Variants in ZDHHC14 observed in about 807,000 individuals in gnomAD.
ZDHHC14 encodes zDHHC palmitoyltransferase 14.
ZDHHC14 carries 16 observed loss-of-function variants against 47.7 expected under a neutral mutation model. The observed-to-expected ratio is 0.34, with a 90% CI of 0.23 to 0.51. The LOEUF is 0.51. Ranked by LOEUF, ZDHHC14 falls within the 20% of genes least tolerant of loss-of-function variation. The pLI is 0.97. For synonymous variants in ZDHHC14, 293 were observed against 278.9 expected, an observed-to-expected ratio of 1.05 and a Z score of -0.50; for missense variants, 515 against 662.5, an observed-to-expected ratio of 0.78 and a Z score of 2.44.
At chr6:157,610,490 C>T (rs1484873066) in intron 3 of ZDHHC14, among the ~76,000 whole-genome samples, 1 of 152,122 alleles carries the variant, frequency 6.6e-6, no homozygotes, top group Non-Finnish European at 1.5e-5. Context: ...ACCCTTCTGC[C>T]ATGAAGTTCT....
intron 3 of ZDHHC14, among the ~76,000 whole-genome samples, chr6:157,614,202 A>G (rs1245289864): frequency 6.6e-6 from 1 of 152,188 alleles, no homozygotes; most frequent in African/African-American, 2.4e-5. Context: ...ATAGAGTCCT[A>G]CATCCCATCA....
In ZDHHC14 at chr6:157,390,367, T is replaced by C. The variant is rs140494669; in HGVS notation, c.245+8101T>C. ...AGTAGTTGGAATATGATAACATGCC[T>C]ATGTATGGTTTTCTTTACATTTATC... On this transcript the variant is annotated intron_variant, in intron 1 of 8. Coordinates refer to ENST00000359775, the MANE Select transcript of ZDHHC14 (RefSeq NM_024630.3). Among the ~76,000 whole-genome samples the C allele has an allele frequency of 4.8e-4, 73 of 152,318 alleles. 1 individual carries two copies. The East Asian group carries it at 0.014, about 29-fold the overall frequency.
intron 2 of ZDHHC14, among the ~76,000 whole-genome samples, chr6:157,571,100 G>T (rs970678215): frequency 2.0e-5 from 3 of 152,164 alleles, no homozygotes; most frequent in Non-Finnish European, 2.9e-5. Flanking sequence ...CAATTTGTAG[G>T]AATATTTGTG....
At position 157,423,519 on chromosome 6, in the gene ZDHHC14, T is replaced by C. The variant is rs567576602; in HGVS notation, c.245+41253T>C. On this transcript the variant is annotated intron_variant, in intron 1 of 8. Coordinates refer to ENST00000359775, the MANE Select transcript of ZDHHC14 (RefSeq NM_024630.3). ...TAAATAAAGTTCCCCTTTTATTTAA[T>C]CCAAATTGGTGAGGGTTTACTAAGC... Among the ~76,000 whole-genome samples the C allele has an allele frequency of 3.3e-5, 5 of 152,308 alleles. 1 individual carries two copies. The highest frequency in any genetic ancestry group is 1.2e-4 in the African/African-American group (5 of 41,562).
intron 2 of ZDHHC14, among the ~76,000 whole-genome samples, chr6:157,552,446 A>C (rs1321213072): frequency 6.6e-5 from 10 of 151,362 alleles, no homozygotes; most frequent in South Asian, 2.1e-4. Flanking sequence ...CAGGAGAAAA[A>C]CCCCCCTGGA....
rs926808173 is a variant in ZDHHC14 at position 157,614,150 on chromosome 6, G to A, written c.566-14199G>A. On this transcript the variant is annotated intron_variant, in intron 3 of 8. Transcript: ENST00000359775. Reference sequence around the variant, plus strand: ...CTCTTGGTAGGGGGGATGGGGGGGCGGGGAGTGCAAAAGGCCAGGACCCAA... The same window carrying A: ...CTCTTGGTAGGGGGGATGGGGGGGCAGGGAGTGCAAAAGGCCAGGACCCAA... 3.9e-5 allele frequency among the ~76,000 whole-genome samples: 6 copies of A among 152,228 alleles called. No individual in the cohort carries two copies. The South Asian group carries it at 8.3e-4, about 21-fold the overall frequency.
intron 1 of ZDHHC14, among the ~76,000 whole-genome samples, chr6:157,451,183 T>G (rs1778795880): frequency 6.6e-6 from 1 of 152,202 alleles, no homozygotes; most frequent in South Asian, 2.1e-4. Context: ...CTTCAGAGCT[T>G]ACAGATGCTA....
intron 2 of ZDHHC14, among the ~76,000 whole-genome samples, chr6:157,565,082 T>TA (rs1782851524): frequency 6.6e-6 from 1 of 151,944 alleles, no homozygotes; most frequent in South Asian, 2.1e-4. Context: ...CCACCTCTAC[T>TA]AAAAATACAA....
intron 5 of ZDHHC14, among the ~76,000 whole-genome samples, chr6:157,636,954 T>C (rs1777017595): frequency 6.6e-6 from 1 of 152,202 alleles, no homozygotes; most frequent in African/African-American, 2.4e-5. Flanking sequence ...GTGCTTTCTG[T>C]TTGAAATATG....
intron 1 of ZDHHC14, among the ~76,000 whole-genome samples, chr6:157,528,441 A>G (rs1413477912): frequency 6.6e-6 from 1 of 151,770 alleles, no homozygotes; most frequent in Non-Finnish European, 1.5e-5. Flanking sequence ...TAATTTAAAA[A>G]GCACGATAGG....
chr6:157,481,720 G>T (rs946399501), intron 1 of ZDHHC14, among the ~76,000 whole-genome samples: 1 of 152,142 alleles, frequency 6.6e-6, no homozygotes, highest in African/African-American at 2.4e-5. Context: ...CCCCAGTTGG[G>T]AATGAGTGAA....
At chr6:157,500,979 G>A (rs575834678) in intron 1 of ZDHHC14, among the ~76,000 whole-genome samples, 86 of 152,272 alleles carry the variant, frequency 5.6e-4, no homozygotes, top group Non-Finnish European at 9.7e-4. Flanking sequence ...TCGTGGGCAC[G>A]TTATGAAGTT....
At chr6:157,657,480 C>T (rs1778154774) in intron 8 of ZDHHC14, among the ~76,000 whole-genome samples, 1 of 152,136 alleles carries the variant, frequency 6.6e-6, no homozygotes, top group Admixed American at 6.6e-5. Flanking sequence ...AAAAACACTC[C>T]AGCGTCACAG....
chr6:157,462,488 T>C (rs751117241), intron 1 of ZDHHC14, among the ~76,000 whole-genome samples: 3 of 152,132 alleles, frequency 2.0e-5, no homozygotes, highest in Non-Finnish European at 4.4e-5. Context: ...TTCCACCACA[T>C]TAGGCAAAAA....
At chr6:157,495,695 ATTTTTTTTTT>A (rs71027341) in intron 1 of ZDHHC14, among the ~76,000 whole-genome samples, 5 of 104,338 alleles carry the variant, frequency 4.8e-5, no homozygotes, top group Non-Finnish European at 7.6e-5. Flanking sequence ...TTCGGGTTGA[ATTTTTTTTTT>A]TTTTTTTTTT....
intron 1 of ZDHHC14, among the ~76,000 whole-genome samples, chr6:157,452,861 C>A (rs1355213870): frequency 6.6e-6 from 1 of 151,860 alleles, no homozygotes; most frequent in Non-Finnish European, 1.5e-5. Context: ...CACCACCACA[C>A]CCGGCTAATT....
At chr6:157,506,588 A>T (rs1179250673) in intron 1 of ZDHHC14, among the ~76,000 whole-genome samples, 1 of 111,846 alleles carries the variant, frequency 8.9e-6, no homozygotes, top group Non-Finnish European at 2.1e-5. Flanking sequence ...TGGTAAACTT[A>T]GCAATGACAA....
At chr6:157,515,683 T>A (rs1487293950) in intron 1 of ZDHHC14, among the ~76,000 whole-genome samples, 4 of 151,874 alleles carry the variant, frequency 2.6e-5, no homozygotes, top group Non-Finnish European at 4.4e-5. Flanking sequence ...GCCTGGATGG[T>A]CTCGATCTCC....
chr6:157,422,074 C>G (rs974254862), intron 1 of ZDHHC14, among the ~76,000 whole-genome samples: 6 of 152,216 alleles, frequency 3.9e-5, no homozygotes. Flanking sequence ...CTCGAACCCA[C>G]GTACCTGGGT....
Sources: allele counts gnomAD v4.1 joint callset (sites outside exome capture counted in the v4.1 genomes callset), GRCh38; gene constraint gnomAD v4.1.1; transcripts MANE v1.5; gene names NCBI Gene and HGNC (gene_info 2026-07-23, HGNC 2026-07-21).